FAM193A: variants seen among roughly 807,000 people sequenced by gnomAD.
FAM193A encodes protein FAM193A.
In FAM193A, 22 loss-of-function variants were observed where a neutral mutation model predicts 126.5. The ratio of observed to expected loss-of-function variants is 0.17; its 90% CI spans 0.12 to 0.25. The LOEUF is 0.25. Among genes scored for constraint, FAM193A ranks in the 10% least tolerant of loss-of-function variants. The probability of loss-of-function intolerance (pLI) is 1.00; values close to 1 mark genes in which losing one functional copy is unlikely to be tolerated. For missense variants in FAM193A, 1,675 were observed against 1,672.8 expected (o/e 1.00, Z -0.02); for synonymous variants, 761 against 646.8 (o/e 1.18, Z -2.68).
chr4:2,574,036 T>C (rs1739443038), intron 1 of FAM193A, among the ~76,000 whole-genome samples: 1 of 152,060 alleles, frequency 6.6e-6, no homozygotes, highest in African/African-American at 2.4e-5. Context: ...TCAACAACTT[T>C]GGTTTTTATT....
At chr4:2,540,134 AT>A (rs1268639363) in intron 1 of FAM193A, among the ~76,000 whole-genome samples, 1 of 145,382 alleles carries the variant, frequency 6.9e-6, no homozygotes, top group Non-Finnish European at 1.5e-5. Flanking sequence ...AAAAAAAAAA[AT>A]CCCATCCTTG....
chr4:2,718,600 G>A (rs774419061), intron 20 of FAM193A, among the ~76,000 whole-genome samples: 4 of 152,022 alleles, frequency 2.6e-5, no homozygotes, highest in Admixed American at 1.3e-4. Context: ...GGTGGCATGC[G>A]CCTGTAGTCC....
At chr4:2,707,716 T>TA (rs1219107312) in intron 19 of FAM193A, among the ~76,000 whole-genome samples, 2 of 149,240 alleles carry the variant, frequency 1.3e-5, no homozygotes, top group African/African-American at 2.4e-5. Context: ...ATTTCTTATT[T>TA]TTTTTTTTTT....
In FAM193A at chr4:2,694,994, A is replaced by G; in HGVS notation, c.3141A>G (p.Pro1047=). The G allele has an allele frequency of 1.9e-6, 3 of 1,608,978 alleles. No homozygotes were observed. Among genetic ancestry groups the G allele is most frequent in the South Asian group, 1.1e-5 (1 of 89,898 alleles). Reference sequence around the variant, plus strand: ...GCTGCGAGAATGGTGTCTACGACCCACAGCAGGATGATGGGGACGAGAGTG... The same window carrying G: ...GCTGCGAGAATGGTGTCTACGACCCGCAGCAGGATGATGGGGACGAGAGTG... ...GHRCENGVYD[P]QQDDGDESAD... is the part of the protein sequence containing the mutation. Residue 1047 remains proline, a synonymous_variant, in exon 17 of 21, where the codon CCA becomes CCG. Coordinates refer to ENST00000637812, the MANE Select transcript of FAM193A (RefSeq NM_001366318.2).
intron 20 of FAM193A, among the ~76,000 whole-genome samples, chr4:2,721,743 CA>C (rs1260479078): frequency 6.6e-6 from 1 of 152,172 alleles, no homozygotes; most frequent in African/African-American, 2.4e-5. Flanking sequence ...CAGACTCTAG[CA>C]AAATTGAAGT....
intron 19 of FAM193A, among the ~76,000 whole-genome samples, chr4:2,704,579 T>A (rs1184076791): frequency 2.0e-5 from 3 of 151,866 alleles, no homozygotes; most frequent in African/African-American, 7.3e-5. Flanking sequence ...AAAAATAAAA[T>A]AAAAATTTTT....
intron 19 of FAM193A, among the ~76,000 whole-genome samples, chr4:2,709,526 T>C (rs891220459): frequency 1.1e-4 from 16 of 152,084 alleles, no homozygotes; most frequent in African/African-American, 3.6e-4. Flanking sequence ...CTGGCCAACA[T>C]GGTGAAACCC....
At chr4:2,664,757 G>T (rs1374747409) in intron 12 of FAM193A, among the ~76,000 whole-genome samples, 1 of 151,704 alleles carries the variant, frequency 6.6e-6, no homozygotes, top group African/African-American at 2.4e-5. Flanking sequence ...TAGAGACGGG[G>T]TTTCACTATA....
At chr4:2,613,293 C>T (rs1173926732) in intron 2 of FAM193A, among the ~76,000 whole-genome samples, 1 of 151,776 alleles carries the variant, frequency 6.6e-6, no homozygotes, top group Non-Finnish European at 1.5e-5. Context: ...ATACATTTTC[C>T]CAAAGTATTT....
At chr4:2,668,952 C>T (rs767784163) in intron 12 of FAM193A, among the ~76,000 whole-genome samples, 3 of 152,132 alleles carry the variant, frequency 2.0e-5, no homozygotes, top group Non-Finnish European at 2.9e-5. Flanking sequence ...AAGCAGTTCT[C>T]CTGCCTCAGC....
intron 19 of FAM193A, among the ~76,000 whole-genome samples, chr4:2,713,522 G>A (rs1423287795): frequency 3.3e-5 from 5 of 152,052 alleles, no homozygotes; most frequent in African/African-American, 9.7e-5. Flanking sequence ...GTACCCCCTC[G>A]TGGCCTGCTG....
chr4:2,642,669 T>A (rs1744753997), intron 6 of FAM193A, among the ~76,000 whole-genome samples: 1 of 151,818 alleles, frequency 6.6e-6, no homozygotes, highest in Non-Finnish European at 1.5e-5. Context: ...GCCAGTGAGT[T>A]CCGTCAGCCT....
intron 1 of FAM193A, among the ~76,000 whole-genome samples, chr4:2,585,007 G>A (rs1740156968): frequency 6.6e-6 from 1 of 151,860 alleles, no homozygotes; most frequent in Admixed American, 6.6e-5. Context: ...ATAAATGGAA[G>A]CATCCATACT....
At chr4:2,613,489 C>T (rs1348574431) in intron 2 of FAM193A, among the ~76,000 whole-genome samples, 8 of 137,004 alleles carry the variant, frequency 5.8e-5, no homozygotes, top group African/African-American at 2.2e-4. Context: ...GAGTTTTGCT[C>T]TTTGCCCAGG....
At chr4:2,635,599 C>G (rs1039469120) in intron 5 of FAM193A, among the ~76,000 whole-genome samples, 1 of 152,176 alleles carries the variant, frequency 6.6e-6, no homozygotes, top group African/African-American at 2.4e-5. Flanking sequence ...GTGGTGAGAT[C>G]TTGGCTCACT....
chr4:2,708,605 G>A (rs1718576854), intron 19 of FAM193A, among the ~76,000 whole-genome samples: 1 of 152,000 alleles, frequency 6.6e-6, no homozygotes, highest in Non-Finnish European at 1.5e-5. Flanking sequence ...TGGGATTACA[G>A]GCGCACACCA....
chr4:2,711,727 TC>T (rs1718998899), intron 19 of FAM193A, among the ~76,000 whole-genome samples: 1 of 151,714 alleles, frequency 6.6e-6, no homozygotes. Flanking sequence ...GGCGGGCAGA[TC>T]ACTTGAGGTC....
chr4:2,538,656 C>T (rs1737037175), intron 1 of FAM193A, among the ~76,000 whole-genome samples: 1 of 94,474 alleles, frequency 1.1e-5, no homozygotes, highest in South Asian at 3.9e-4. Flanking sequence ...TTTTTAAGGG[C>T]AGTGTTTGCT....
intron 1 of FAM193A, among the ~76,000 whole-genome samples, chr4:2,581,325 C>A (rs564225215): frequency 3.7e-4 from 55 of 148,608 alleles, no homozygotes; most frequent in Admixed American, 8.8e-4. Context: ...ACAATCTTGG[C>A]TCACTGCAAC....
Sources: allele counts gnomAD v4.1 joint callset (sites outside exome capture counted in the v4.1 genomes callset), GRCh38; gene constraint gnomAD v4.1.1; transcripts MANE v1.5; gene names NCBI Gene and HGNC (gene_info 2026-07-23, HGNC 2026-07-21).